Variants in RARRES1 observed in about 807,000 individuals in gnomAD.
RARRES1 encodes retinoic acid receptor responder protein 1.
A neutral mutation model predicts 30.6 loss-of-function variants in RARRES1; 34 were observed. That is an observed-to-expected ratio of 1.11 (90% CI 0.84 to 1.48). The LOEUF (loss-of-function observed/expected upper bound fraction) is 1.48. Ranked by LOEUF, RARRES1 falls within the 40% of genes most tolerant of loss-of-function variation. The pLI, the probability that RARRES1 is intolerant of heterozygous loss-of-function variation, is 0.00. For synonymous variants in RARRES1, 153 were observed against 155.5 expected (o/e 0.98, Z 0.12); for missense variants, 373 against 386.5 (o/e 0.97, Z 0.29).
intron 4 of RARRES1, 149 bp downstream of exon 4, chr3:158,704,642 C>T (rs981354485): frequency 7.9e-7 from 1 of 1,270,112 alleles, no homozygotes; most frequent in Middle Eastern, 2.8e-4. Flanking sequence ...TGAAACAATA[C>T]TTGGCCCATT....
intron 4 of RARRES1, among the ~76,000 whole-genome samples, chr3:158,703,678 T>G (rs1726811245): frequency 6.6e-6 from 1 of 152,200 alleles, no homozygotes; most frequent in South Asian, 2.1e-4. Flanking sequence ...GTCCTCATCT[T>G]ACTTGACTTT....
chr3:158,711,038 C>T (rs1727116260), intron 2 of RARRES1, 105 bp from the exon 3 acceptor site: 1 of 1,052,316 alleles, frequency 9.5e-7, no homozygotes, highest in Non-Finnish European at 1.4e-6. Flanking sequence ...CAGGCTCTGG[C>T]ATCAATAGAT....
intron 1 of RARRES1, among the ~76,000 whole-genome samples, chr3:158,720,270 G>GTT: frequency 1.3e-5 from 2 of 150,562 alleles, no homozygotes; most frequent in African/African-American, 5.0e-5. Flanking sequence ...GTGTGTATGT[G>GTT]TGTGAGAGAG....
chr3:158,732,048 T>A, intron 1 of RARRES1, 92 bp downstream of exon 1: 1 of 1,184,454 alleles, frequency 8.4e-7, no homozygotes, highest in Non-Finnish European at 1.1e-6. Context: ...GGACCATCCG[T>A]TGGGCCGGCA....
rs143575354 is a variant in RARRES1 at position 158,696,921 on chromosome 3, T to G, written c.*757A>C. ...CCTTGTAAATGAAAATTGTAAATAT[T>G]TAATATACTTTCAGTTACATCAGTG... On this transcript the variant is annotated 3_prime_UTR_variant, in exon 6 of 6. Transcript: ENST00000237696. 7.2e-5 allele frequency: 11 copies of G among 152,346 alleles called. No homozygotes were observed. The highest frequency in any genetic ancestry group is 1.9e-4 in the African/African-American group (8 of 41,580). The allele number at this position is 152,346 out of a possible 1,614,324, so 9.4% of individuals were successfully genotyped here. A position where few individuals can be genotyped will look rare whatever the true frequency, so the allele number is the denominator to read the frequency against.
rs778660408 is a variant in RARRES1 at position 158,697,838 on chromosome 3, G to T, written c.736-11C>A. 36 of 1,604,210 alleles carry T rather than the reference G, an allele frequency of 2.2e-5. No homozygotes were observed. Among genetic ancestry groups the T allele is most frequent in the Non-Finnish European group, 3.0e-5 (35 of 1,172,674 alleles). On this transcript the variant is annotated splice_polypyrimidine_tract_variant and intron_variant, in intron 5 of 5. Transcript: ENST00000237696. ...ACAGGGAATTATTTCCTAGGAAATA[G>T]AGTTATAAAATATTATAATCTGCAA...
chr3:158,732,085 C>T, intron 1 of RARRES1, 55 bp downstream of exon 1: 7 of 1,293,252 alleles, frequency 5.4e-6, no homozygotes, highest in Non-Finnish European at 6.8e-6. Flanking sequence ...TGTCACCTCC[C>T]AGCGCCGTGC....
At position 158,728,244 on chromosome 3, in the gene RARRES1, G is replaced by A. The variant is rs79261810; in HGVS notation, c.276+3896C>T. On this transcript the variant is annotated intron_variant, in intron 1 of 5. Transcript: ENST00000237696. ...AAAAAACCGGATCCCACACTAAATT[G>A]GCTTTATAACCCTAGTGAGCCCTTA... is the stretch of plus-strand genomic sequence containing the variant. 4.0e-5 allele frequency among the ~76,000 whole-genome samples: 6 copies of A among 150,482 alleles called. No individual in the cohort carries two copies. The East Asian group carries it at 1.2e-3, about 29-fold the overall frequency.
chr3:158,710,745 G>A lies in RARRES1; in HGVS notation c.528C>T (p.Ser176=). The A allele has an allele frequency of 6.2e-7, 1 of 1,603,842 alleles. No homozygotes were observed. The highest frequency in any genetic ancestry group is 8.5e-7 in the Non-Finnish European group (1 of 1,171,546). ...KQLKNPLEIV[S]IPDNHGHIDP... is the part of the protein sequence containing the mutation. ...CCAAATGCTGATTCATACCAGGTATGCTGACTATTTCCAAGGGGTTTTTCA... is the reference window on the plus strand; with the variant it reads ...CCAAATGCTGATTCATACCAGGTATACTGACTATTTCCAAGGGGTTTTTCA... Residue 176 remains serine, a synonymous_variant, in exon 3 of 6, where the codon AGC becomes AGT. Coordinates refer to ENST00000237696, the MANE Select transcript of RARRES1 (RefSeq NM_206963.2).
At chr3:158,705,023 C>G in intron 3 of RARRES1, 96 bp from the exon 4 acceptor site, 1 of 1,451,676 alleles carries the variant, frequency 6.9e-7, no homozygotes, top group East Asian at 2.3e-5. Context: ...CTTAGTCATA[C>G]CAGTCATCTC....
At chr3:158,720,867 T>A (rs573016659) in intron 1 of RARRES1, among the ~76,000 whole-genome samples, 58 of 152,336 alleles carry the variant, frequency 3.8e-4, no homozygotes, top group African/African-American at 1.3e-3. Flanking sequence ...CAGTATGACC[T>A]CATCTTAACT....
intron 1 of RARRES1, among the ~76,000 whole-genome samples, chr3:158,714,076 G>A (rs942191487): frequency 6.6e-6 from 1 of 152,116 alleles, no homozygotes; most frequent in Non-Finnish European, 1.5e-5. Context: ...GAGGGAGACT[G>A]AGAAAGGGAA....
chr3:158,700,720 T>A (rs1212928331), intron 4 of RARRES1, among the ~76,000 whole-genome samples: 1 of 152,220 alleles, frequency 6.6e-6, no homozygotes, highest in Non-Finnish European at 1.5e-5. Context: ...TATTCAGAAA[T>A]TATCTTTTTG....
chr3:158,719,859 G>T (rs28411835), intron 1 of RARRES1, among the ~76,000 whole-genome samples: 48,113 of 152,008 alleles, frequency 0.32, 7,670 homozygotes, highest in South Asian at 0.43. Context: ...TTTGGTAAAT[G>T]ATCCTCAAAT....
chr3:158,729,593 G>A (rs1461570444), intron 1 of RARRES1, among the ~76,000 whole-genome samples: 3 of 151,990 alleles, frequency 2.0e-5, no homozygotes. Flanking sequence ...GGGATTACAG[G>A]TGCCTGCCAC....
chr3:158,729,747 C>T (rs1363115260), intron 1 of RARRES1, among the ~76,000 whole-genome samples: 1 of 152,028 alleles, frequency 6.6e-6, no homozygotes, highest in Non-Finnish European at 1.5e-5. Flanking sequence ...CCACCGCGCC[C>T]AGCCTATTAT....
intron 4 of RARRES1, among the ~76,000 whole-genome samples, chr3:158,703,419 C>A (rs1196983266): frequency 6.6e-6 from 1 of 151,884 alleles, no homozygotes; most frequent in African/African-American, 2.4e-5. Flanking sequence ...TGTCTCCCAA[C>A]CAAAAAAAAT....
At chr3:158,699,321 C>T (rs190407752) in intron 4 of RARRES1, among the ~76,000 whole-genome samples, 7 of 152,200 alleles carry the variant, frequency 4.6e-5, no homozygotes, top group Admixed American at 6.5e-5. Flanking sequence ...TCACTTTCTT[C>T]GTACCAGACC....
At chr3:158,728,670 C>T (rs1727775180) in intron 1 of RARRES1, among the ~76,000 whole-genome samples, 1 of 152,064 alleles carries the variant, frequency 6.6e-6, no homozygotes, top group African/African-American at 2.4e-5. Flanking sequence ...ATTATAGACA[C>T]GCACCACCAT....
Sources: gnomAD v4.1 joint callset for allele counts (sites outside exome capture counted in the v4.1 genomes callset) on GRCh38, gnomAD v4.1.1 for gene constraint, MANE v1.5 for transcripts, NCBI Gene and HGNC (gene_info 2026-07-23, HGNC 2026-07-21) for gene names.